ASIC2: variants seen among roughly 807,000 people sequenced by gnomAD.
The protein encoded by ASIC2 is acid-sensing ion channel 2.
Under a neutral mutation model 57.3 loss-of-function variants are expected in ASIC2, and 25 were observed. The observed-to-expected ratio is 0.44, with a 90% CI of 0.32 to 0.61. ASIC2 has a LOEUF of 0.61. ASIC2 is among the 20% of genes least tolerant of loss of function. The pLI is 0.06. For synonymous variants in ASIC2, 319 were observed against 307.5 expected (o/e 1.04, Z -0.39); for missense variants, 641 against 738.1 (o/e 0.87, Z 1.52).
chr17:33,174,675 T>C (rs531908486), intron 1 of ASIC2, among the ~76,000 whole-genome samples: 1 of 152,116 alleles, frequency 6.6e-6, no homozygotes, highest in African/African-American at 2.4e-5. Context: ...ATAAGTGACT[T>C]GCTCTGCCCA....
intron 1 of ASIC2, among the ~76,000 whole-genome samples, chr17:33,849,683 T>C (rs899296671): frequency 7.9e-5 from 12 of 152,110 alleles, no homozygotes; most frequent in African/African-American, 2.7e-4. Context: ...ACTGCAAATA[T>C]TCTGGAAGAC....
intron 1 of ASIC2, among the ~76,000 whole-genome samples, chr17:34,008,815 C>A (rs891962197): frequency 2.0e-5 from 3 of 152,160 alleles, no homozygotes; most frequent in African/African-American, 7.2e-5. Flanking sequence ...CCTAGCCATC[C>A]CAAGCATGTA....
At chr17:33,271,282 G>A (rs188510160) in intron 1 of ASIC2, among the ~76,000 whole-genome samples, 2 of 152,200 alleles carry the variant, frequency 1.3e-5, no homozygotes, top group Admixed American at 1.3e-4. Flanking sequence ...GCTCTTCTCT[G>A]TCAACACACT....
At chr17:33,023,124 G>T (rs926762139) in intron 6 of ASIC2, among the ~76,000 whole-genome samples, 1 of 152,040 alleles carries the variant, frequency 6.6e-6, no homozygotes, top group African/African-American at 2.4e-5. Flanking sequence ...GGTGGAGGCT[G>T]GGAGGAAAAG....
chr17:33,534,090 C>A (rs1915146404), intron 1 of ASIC2: 1 of 152,084 alleles, frequency 6.6e-6, no homozygotes, highest in East Asian at 1.9e-4. Context: ...GAAATTTCTG[C>A]CCTTGCTACG....
intron 1 of ASIC2, among the ~76,000 whole-genome samples, chr17:33,943,060 T>C (rs1184913634): frequency 6.6e-6 from 1 of 152,244 alleles, no homozygotes; most frequent in African/African-American, 2.4e-5. Flanking sequence ...GGTACTATTG[T>C]ACCTATTCTG....
chr17:33,826,228 C>T (rs1912904467), intron 1 of ASIC2, among the ~76,000 whole-genome samples: 1 of 152,238 alleles, frequency 6.6e-6, no homozygotes, highest in African/African-American at 2.4e-5. Flanking sequence ...TTGCTCCAGC[C>T]TTCCCTTGAA....
chr17:33,667,944 G>T (rs1907528121), intron 1 of ASIC2, among the ~76,000 whole-genome samples: 1 of 152,158 alleles, frequency 6.6e-6, no homozygotes, highest in South Asian at 2.1e-4. Context: ...ATACCAGAAA[G>T]TCCAGGCCTG....
intron 1 of ASIC2, among the ~76,000 whole-genome samples, chr17:34,110,254 A>G (rs1445738828): frequency 6.6e-6 from 1 of 152,188 alleles, no homozygotes; most frequent in African/African-American, 2.4e-5. Flanking sequence ...GCATCAAGTC[A>G]GCCCCAGCAA....
intron 1 of ASIC2, among the ~76,000 whole-genome samples, chr17:33,497,177 C>T (rs1289567547): frequency 2.0e-5 from 3 of 152,244 alleles, no homozygotes; most frequent in Non-Finnish European, 4.4e-5. Flanking sequence ...ATGTCCCCTT[C>T]TTCAATGAAT....
At chr17:34,050,477 C>T (rs1012395368) in intron 1 of ASIC2, among the ~76,000 whole-genome samples, 3 of 152,186 alleles carry the variant, frequency 2.0e-5, no homozygotes. Context: ...AAATCTCTTC[C>T]CACTTAATCA....
intron 1 of ASIC2, among the ~76,000 whole-genome samples, chr17:33,694,128 G>T (rs906891291): frequency 6.6e-6 from 1 of 152,150 alleles, no homozygotes; most frequent in Non-Finnish European, 1.5e-5. Flanking sequence ...ACTTTCCAGA[G>T]TGTGAGAAAG....
chr17:33,431,026 G>A (rs1423000357), intron 1 of ASIC2, among the ~76,000 whole-genome samples: 1 of 152,166 alleles, frequency 6.6e-6, no homozygotes, highest in Non-Finnish European at 1.5e-5. Context: ...AGAGGATGCA[G>A]AGGGGGGCAG....
chr17:33,465,223 GT>G (rs1381840655), intron 1 of ASIC2, among the ~76,000 whole-genome samples: 1 of 152,146 alleles, frequency 6.6e-6, no homozygotes, highest in Non-Finnish European at 1.5e-5. Flanking sequence ...CACCAGGCTG[GT>G]TTCTAATGCT....
intron 1 of ASIC2, among the ~76,000 whole-genome samples, chr17:34,059,262 G>T (rs763374284): frequency 3.8e-4 from 58 of 152,320 alleles, no homozygotes; most frequent in Non-Finnish European, 5.9e-4. Context: ...TCTGTTTGTG[G>T]GAGAAGCTTC....
intron 1 of ASIC2, among the ~76,000 whole-genome samples, chr17:34,000,311 G>A (rs1431944765): frequency 1.4e-5 from 2 of 147,588 alleles, no homozygotes; most frequent in Non-Finnish European, 3.0e-5. Flanking sequence ...GAGTGCAATG[G>A]TGCGATCTCG....
chr17:33,500,003 C>G (rs554299749), intron 1 of ASIC2, among the ~76,000 whole-genome samples: 2 of 151,746 alleles, frequency 1.3e-5, no homozygotes, highest in South Asian at 4.2e-4. Context: ...TAAGTTTTCT[C>G]TAATTTTTGA....
intron 1 of ASIC2, among the ~76,000 whole-genome samples, chr17:34,113,927 C>T (rs949327247): frequency 2.6e-5 from 4 of 152,176 alleles, no homozygotes; most frequent in Non-Finnish European, 5.9e-5. Flanking sequence ...GTACTCACTT[C>T]CTGCTAGGAA....
intron 1 of ASIC2, among the ~76,000 whole-genome samples, chr17:33,213,579 T>A (rs1907363246): frequency 6.6e-6 from 1 of 152,184 alleles, no homozygotes; most frequent in African/African-American, 2.4e-5. Context: ...TAGTCCCTAG[T>A]TCAGGTCCTG....
Sources: gnomAD v4.1 joint callset for allele counts (sites outside exome capture counted in the v4.1 genomes callset) on GRCh38, gnomAD v4.1.1 for gene constraint, MANE v1.5 for transcripts, NCBI Gene and HGNC (gene_info 2026-07-23, HGNC 2026-07-21) for gene names.